The following CBARP variants were observed in gnomAD, a reference collection of about 807,000 sequenced individuals.
CBARP encodes the protein CACN subunit beta associated regulatory protein.
CBARP carries 24 observed loss-of-function variants against 36.3 expected under a neutral mutation model. The ratio of observed to expected loss-of-function variants is 0.66; its 90% CI spans 0.48 to 0.93. The LOEUF (loss-of-function observed/expected upper bound fraction) is 0.93. CBARP is among the 40% of genes least tolerant of loss of function. The pLI is 0.00. For missense variants in CBARP, 1,146 were observed against 980.4 expected (o/e 1.17, Z -2.26); for synonymous variants, 586 against 453.2 (o/e 1.29, Z -3.72).
chr19:1,229,263 A>T lies in CBARP; in HGVS notation c.2034T>A (p.Phe678Leu), dbSNP rs923720051. 8.0e-7 allele frequency: 1 copy of T among 1,249,656 alleles called. No individual in the cohort carries two copies. Among genetic ancestry groups the T allele is most frequent in the East Asian group, 7.9e-5 (1 of 12,608 alleles). The allele number at this position is 1,249,656 out of a possible 1,614,324, so 77.4% of individuals were successfully genotyped here. A position where few individuals can be genotyped will look rare whatever the true frequency, so the allele number is the denominator to read the frequency against. ...KLAAGLDERLFPPRLAEPVVA... is the reference protein window; with the variant it reads ...KLAAGLDERLLPPRLAEPVVA... ...CGACGGGCTCGGCGAGGCGCGGCGG[A>T]AAGAGTCTCTCGTCGAGGCCAGCCG... Residue 678 changes from phenylalanine to leucine, a missense_variant, in exon 10 of 10, where the codon TTT becomes TTA. By Grantham distance (22) the Phe-to-Leu change is conservative (BLOSUM62 0). Transcript: ENST00000650044. This position sits in a 1 kb window ranked among gnomAD's most constrained non-coding sequence, Gnocchi z 5.1.
intron 8 of CBARP, among the ~76,000 whole-genome samples, chr19:1,231,958 C>T (rs2080900079): frequency 6.6e-6 from 1 of 152,146 alleles, no homozygotes; most frequent in African/African-American, 2.4e-5. Flanking sequence ...ACCTGGTGGC[C>T]TGCACAGCCT....
At chr19:1,234,086 G>T in intron 7 of CBARP, 105 bp downstream of exon 7, 1 of 1,316,148 alleles carries the variant, frequency 7.6e-7, no homozygotes, top group Non-Finnish European at 9.9e-7. Context: ...GGAGGGCTGC[G>T]GTGGCTGGCA....
Position 1,230,017 on chromosome 19 carries a change from G to GGGCCCGCGTCCCGCTCGGCGTCC in CBARP, c.1257_1279dup (p.Pro427ArgfsTer409). 8.1e-7 allele frequency: 1 copy of GGGCCCGCGTCCCGCTCGGCGTCC among 1,233,920 alleles called. No individual in the cohort carries two copies. The highest frequency in any genetic ancestry group is 1.0e-6 in the Non-Finnish European group (1 of 965,988). 76.4% of individuals were successfully genotyped at this position (1,233,920 alleles called of 1,614,324 possible). On this transcript the variant is annotated frameshift_variant, in exon 10 of 10. Coordinates refer to ENST00000650044, the MANE Select transcript of CBARP (RefSeq NM_001393918.1). LOFTEE classifies it low-confidence loss of function (END_TRUNC). The stretch of plus-strand genomic sequence containing the variant: ...GCGGTAGCTGGTCTGGGCCTGCTCG[G>GGGCCCGCGTCCCGCTCGGCGTCC]GGCCCGCGTCCCGCTCGGCGTCCGG...
At chr19:1,234,166 A>G in intron 7 of CBARP, 25 bp downstream of exon 7, 1 of 1,492,056 alleles carries the variant, frequency 6.7e-7, no homozygotes. Flanking sequence ...TGTGGACACC[A>G]TGGGGGACAC....
At chr19:1,230,291 G>A (rs1225463584) in intron 9 of CBARP, 149 bp from the exon 10 acceptor site, 1 of 991,214 alleles carries the variant, frequency 1.0e-6, no homozygotes. Context: ...AAATGAGCCA[G>A]TGTGTTTTGC....
intron 8 of CBARP, 85 bp from the exon 9 acceptor site, chr19:1,231,360 C>A: frequency 8.1e-7 from 1 of 1,232,074 alleles, no homozygotes; most frequent in Non-Finnish European, 1.1e-6. Context: ...GCCCCCCCGC[C>A]ACACACACAC....
At position 1,235,126 on chromosome 19, in the gene CBARP, C is replaced by T; in HGVS notation, c.330G>A (p.Glu110=). The T allele has an allele frequency of 1.3e-6, 2 of 1,595,144 alleles. No individual in the cohort carries two copies. The highest frequency in any genetic ancestry group is 1.1e-5 in the South Asian group (1 of 88,508). The change falls in exon 5 of 10, where the codon GAG becomes GAA. Residue 110 remains glutamate, a synonymous_variant. Transcript: ENST00000650044. ...TCTCCGCATCCTGGCACTCGGGGTC[C>T]TCTCCCCGGAAGTCGGGGTCTGCGT... ...HPAQDPDFRG[E]DPECQDAETE...
At position 1,228,904 on chromosome 19, in the gene CBARP, G is replaced by C. The variant is rs1404315922; in HGVS notation, c.*275C>G. On this transcript the variant is annotated 3_prime_UTR_variant, in exon 10 of 10. Transcript: ENST00000650044. ...GAGCCGTTCACGCCCCTTCCTTCCCGCCCAGCCGGGGTCTCCGCGGCCCGC... is the reference window on the plus strand; with the variant it reads ...GAGCCGTTCACGCCCCTTCCTTCCCCCCCAGCCGGGGTCTCCGCGGCCCGC... The C allele has an allele frequency of 6.8e-6, 1 of 147,788 alleles. No individual in the cohort carries two copies. Among genetic ancestry groups the C allele is most frequent in the East Asian group, 1.9e-4 (1 of 5,142 alleles). 9.2% of individuals were successfully genotyped at this position (147,788 alleles called of 1,614,324 possible).
In CBARP at chr19:1,234,533, G is replaced by A. The variant is rs114502625; in HGVS notation, c.627+38C>T. The A allele has an allele frequency of 4.9e-3, 7,650 of 1,559,158 alleles. 304 individuals carry two copies. In the African/African-American group the frequency reaches 0.088, roughly 18 times the overall value. On this transcript the variant is annotated intron_variant, in intron 6 of 9. Transcript: ENST00000650044. The stretch of plus-strand genomic sequence containing the variant: ...CCGGGAGTCCCCGGGGCTGCCTCCC[G>A]TCCCCCGAGGAACCGGGGCTGCTGC...
chr19:1,235,314 G>A (rs967478487), intron 4 of CBARP, 169 bp from the exon 5 acceptor site: 17 of 1,038,224 alleles, frequency 1.6e-5, no homozygotes, highest in South Asian at 1.3e-4. Flanking sequence ...ACACTCACTC[G>A]CTCAGCACGC....
At position 1,229,867 on chromosome 19, in the gene CBARP, G is replaced by T; in HGVS notation, c.1430C>A (p.Ala477Glu). 1 of 991,226 alleles carries T rather than the reference G, an allele frequency of 1.0e-6. No homozygotes were observed. Among genetic ancestry groups the T allele is most frequent in the Non-Finnish European group, 1.2e-6 (1 of 833,714 alleles). 61.4% of individuals were successfully genotyped at this position (991,226 alleles called of 1,614,324 possible). ...CGGGGAGGGCGGCGGGAAGGCGGGC[G>T]CCGCGCCCCCGGAGCCTGAGCCCGA... ...DSSGSGSGGA[A>E]PAFPPPSPPA... Residue 477 changes from alanine to glutamate, a missense_variant, in exon 10 of 10, where the codon GCG becomes GAG. Physicochemically the swap from Ala to Glu is moderately radical, Grantham distance 107 (BLOSUM62 -1). Coordinates refer to ENST00000650044, the MANE Select transcript of CBARP (RefSeq NM_001393918.1). The surrounding 1 kb of genome is among the most constrained non-coding windows in gnomAD (Gnocchi z 5.1).
rs1568728089 is a variant in CBARP at position 1,230,025 on chromosome 19, G to A, written c.1272C>T (p.Asp424=). 8.1e-7 allele frequency: 1 copy of A among 1,228,764 alleles called. No individual in the cohort carries two copies. The highest frequency in any genetic ancestry group is 1.0e-6 in the Non-Finnish European group (1 of 963,172). The allele number at this position is 1,228,764 out of a possible 1,614,324, so 76.1% of individuals were successfully genotyped here. A position where few individuals can be genotyped will look rare whatever the true frequency, so the allele number is the denominator to read the frequency against. ...TGGTCTGGGCCTGCTCGGGGCCCGCGTCCCGCTCGGCGTCCGGCTCCAGTG... is the reference window on the plus strand; with the variant it reads ...TGGTCTGGGCCTGCTCGGGGCCCGCATCCCGCTCGGCGTCCGGCTCCAGTG... ...QPPLEPDAER[D]AGPEQAQTSY... Residue 424 remains aspartate, a synonymous_variant, in exon 10 of 10, where the codon GAC becomes GAT. Coordinates refer to ENST00000650044, the MANE Select transcript of CBARP (RefSeq NM_001393918.1).
At chr19:1,234,139 GA>G in intron 7 of CBARP, 51 bp downstream of exon 7, 3 of 1,439,678 alleles carry the variant, frequency 2.1e-6, no homozygotes, top group Admixed American at 3.1e-5. Context: ...ACAGGGAGGG[GA>G]AGGAGCCTCC....
In CBARP at chr19:1,235,870, TCAC is replaced by T. The variant is rs1302001506; in HGVS notation, c.151_153del (p.Val51del). ...AGCGTGCCCCCCACGAACAGCGACA[TCAC>T]CACCACCAGCAGCACGTAGTTGTCC... On this transcript the variant is annotated inframe_deletion, in exon 3 of 10. Transcript: ENST00000650044. The T allele has an allele frequency of 1.2e-6, 2 of 1,612,244 alleles. No homozygotes were observed. The highest frequency in any genetic ancestry group is 1.7e-6 in the Non-Finnish European group (2 of 1,179,890).
At chr19:1,233,049 G>T (rs766275877) in intron 8 of CBARP, among the ~76,000 whole-genome samples, 60 of 152,334 alleles carry the variant, frequency 3.9e-4, no homozygotes, top group African/African-American at 1.4e-3. Context: ...GATGAGAGCC[G>T]AGCATGGCTG....
Position 1,234,226 on chromosome 19 carries a change from G to A in CBARP, c.733C>T (p.Pro245Ser). Reference protein sequence around the residue: ...AGATDFAEISPSASSDSGEGT... With the variant: ...AGATDFAEISSSASSDSGEGT... ...TCCCCAGAGTCGCTAGATGCCGAGG[G>A]GCTGATCTCTGCGAAGTCAGTGGCG... The change falls in exon 7 of 10, where the codon CCC becomes TCC. Residue 245 changes from proline (P) to serine (S), a missense_variant. Transcript: ENST00000650044. The A allele has an allele frequency of 5.3e-6, 8 of 1,517,776 alleles. No homozygotes were observed. Among genetic ancestry groups the A allele is most frequent in the Non-Finnish European group, 7.0e-6 (8 of 1,135,788 alleles). The allele number at this position is 1,517,776 out of a possible 1,614,324, so 94.0% of individuals were successfully genotyped here. A position where few individuals can be genotyped will look rare whatever the true frequency, so the allele number is the denominator to read the frequency against.
chr19:1,235,919 C>T lies in CBARP; in HGVS notation c.106-1G>A. 1.2e-6 allele frequency: 2 copies of T among 1,610,580 alleles called. No homozygotes were observed. The highest frequency in any genetic ancestry group is 1.7e-6 in the Non-Finnish European group (2 of 1,179,226). ...TGTCCAGGATGGGGTCTGGCTCTGCCTGCGGGTGTGCAGGGGGGGTCAGGT... is the reference window on the plus strand; with the variant it reads ...TGTCCAGGATGGGGTCTGGCTCTGCTTGCGGGTGTGCAGGGGGGGTCAGGT... On this transcript the variant is annotated splice_acceptor_variant, in intron 2 of 9. Transcript: ENST00000650044. LOFTEE classifies it high-confidence loss of function.
At chr19:1,231,808 C>A (rs1229050412) in intron 8 of CBARP, among the ~76,000 whole-genome samples, 1 of 151,802 alleles carries the variant, frequency 6.6e-6, no homozygotes, top group Non-Finnish European at 1.5e-5. Context: ...AACTGAGGCA[C>A]GGAGGGAAGA....
rs750635988 is a variant in CBARP, at chr19:1,231,293, C to T, written c.980-18G>A. The T allele has an allele frequency of 1.1e-5, 17 of 1,594,890 alleles. No homozygotes were observed. Among genetic ancestry groups the T allele is most frequent in the Admixed American group, 5.0e-5 (3 of 59,736 alleles). ...GGGGGAACCTGCGCACGGGATGTGCCGTAAGCGTCAGCCGGCATGTGCCTC... is the reference window on the plus strand; with the variant it reads ...GGGGGAACCTGCGCACGGGATGTGCTGTAAGCGTCAGCCGGCATGTGCCTC... On this transcript the variant is annotated intron_variant, in intron 8 of 9. Coordinates refer to ENST00000650044, the MANE Select transcript of CBARP (RefSeq NM_001393918.1).
Sources: allele counts gnomAD v4.1 joint callset (sites outside exome capture counted in the v4.1 genomes callset), GRCh38; gene constraint gnomAD v4.1.1; non-coding constraint Gnocchi (gnomAD v3.1); transcripts MANE v1.5; gene names NCBI Gene and HGNC (gene_info 2026-07-23, HGNC 2026-07-21).